Variants in PWWP3B observed in about 807,000 individuals in gnomAD.
PWWP3B encodes PWWP domain containing 3B.
PWWP3B carries 5 observed loss-of-function variants against 15.7 expected under a neutral mutation model. That is an observed-to-expected ratio of 0.32 (90% confidence interval 0.17 to 0.67). The LOEUF (loss-of-function observed/expected upper bound fraction) is 0.67. Ranked by LOEUF, PWWP3B falls within the 30% of genes least tolerant of loss-of-function variation. PWWP3B has a pLI of 0.74. For missense variants in PWWP3B, 519 were observed against 493.1 expected (o/e 1.05, Z -0.50); for synonymous variants, 203 against 179.8 (o/e 1.13, Z -1.03).
chrX:106,189,354 A>G (rs765115686), intron 2 of PWWP3B, among the ~76,000 whole-genome samples: 1 of 110,397 alleles, frequency 9.1e-6, no homozygotes, highest in African/African-American at 3.3e-5. Context: ...AGCATTAGGT[A>G]TATCTCCTAA....
At chrX:106,179,231 G>A (rs1922059919) in intron 2 of PWWP3B, among the ~76,000 whole-genome samples, 1 of 112,305 alleles carries the variant, frequency 8.9e-6, no homozygotes, top group Admixed American at 9.5e-5. Context: ...AAGAACTGAT[G>A]TGAAGCCTCA....
At chrX:106,188,127 C>T (rs762298557) in intron 2 of PWWP3B, among the ~76,000 whole-genome samples, 119 of 111,249 alleles carry the variant, frequency 1.1e-3, no homozygotes, top group African/African-American at 3.8e-3. Context: ...ATGCTGATGT[C>T]ATCTGGTTTC....
intron 2 of PWWP3B, among the ~76,000 whole-genome samples, chrX:106,195,299 C>G (rs1199617236): frequency 1.8e-5 from 2 of 111,464 alleles, no homozygotes; most frequent in Non-Finnish European, 3.8e-5. Flanking sequence ...CAAGTATTGT[C>G]TCCCAATCTG....
chrX:106,188,980 A>G (rs1417300435), intron 2 of PWWP3B, among the ~76,000 whole-genome samples: 1 of 112,145 alleles, frequency 8.9e-6, no homozygotes, highest in Non-Finnish European at 1.9e-5. Context: ...GTCTTTGTGT[A>G]TACATAAGTT....
rs953252739 is a variant in PWWP3B at position 106,208,321 on chromosome X, G to C, written c.*798G>C. On this transcript the variant is annotated 3_prime_UTR_variant, in exon 4 of 4. Coordinates refer to ENST00000357175, the MANE Select transcript of PWWP3B (RefSeq NM_001171020.2). ...CTATCTTCATAACCAGCAGTGAGTAGATCTTCTTAATATAGCTGTCTGACC... is the reference window on the plus strand; with the variant it reads ...CTATCTTCATAACCAGCAGTGAGTACATCTTCTTAATATAGCTGTCTGACC... The C allele has an allele frequency of 8.1e-6, 1 of 123,276 alleles. No individual in the cohort carries two copies. The highest frequency in any genetic ancestry group is 2.8e-4 in the East Asian group (1 of 3,584). 10.2% of individuals were successfully genotyped at this position (123,276 alleles called of 1,213,427 possible). A position where few individuals can be genotyped will look rare whatever the true frequency, so the allele number is the denominator to read the frequency against.
At position 106,206,129 on chromosome X, in the gene PWWP3B, G is replaced by T; in HGVS notation, c.697G>T (p.Asp233Tyr). 8.3e-7 allele frequency: 1 copy of T among 1,210,967 alleles called. No homozygotes were observed. The highest frequency in any genetic ancestry group is 1.7e-5 in the African/African-American group (1 of 57,887). The stretch of plus-strand genomic sequence containing the variant: ...CAAAGAGGAAAGTGCATGTGTTAAA[G>T]ATGAAAAGTTTGCTCCACCTTTGTC... ...AVKEESACVK[D>Y]EKFAPPLSPL... The change falls in exon 4 of 4, where the codon GAT (aspartate) becomes TAT (tyrosine). Residue 233 changes from aspartate (D) to tyrosine (Y), a missense_variant. Coordinates refer to ENST00000357175, the MANE Select transcript of PWWP3B (RefSeq NM_001171020.2).
intron 2 of PWWP3B, among the ~76,000 whole-genome samples, chrX:106,185,393 C>T (rs763929806): frequency 6.3e-4 from 70 of 111,380 alleles, no homozygotes; most frequent in African/African-American, 2.6e-4. Flanking sequence ...CCCTGCTGAT[C>T]GGAATAGTTG....
At chrX:106,181,554 A>G (rs778848965) in intron 2 of PWWP3B, among the ~76,000 whole-genome samples, 5 of 112,148 alleles carry the variant, frequency 4.5e-5, no homozygotes, top group African/African-American at 1.6e-4. Flanking sequence ...CTAGCTAGAC[A>G]GAAAAGTTAT....
Position 106,205,499 on chromosome X carries a change from T to A in PWWP3B, c.67T>A (p.Ser23Thr). The change falls in exon 4 of 4, where the codon TCT becomes ACT. Residue 23 changes from serine to threonine, a missense_variant. Coordinates refer to ENST00000357175, the MANE Select transcript of PWWP3B (RefSeq NM_001171020.2). ...GTGGCCAGCAAAAGTTTTGTCCAGA[T>A]CTGAAACTTCATCAAACAGTAAGAG... ...QLWPAKVLSR[S>T]ETSSNSKRKK... The A allele has an allele frequency of 8.3e-7, 1 of 1,199,069 alleles. No homozygotes were observed. The highest frequency in any genetic ancestry group is 1.1e-6 in the Non-Finnish European group (1 of 889,035).
intron 2 of PWWP3B, among the ~76,000 whole-genome samples, chrX:106,175,973 A>G (rs975664753): frequency 8.9e-6 from 1 of 111,898 alleles, no homozygotes; most frequent in African/African-American, 3.3e-5. Context: ...ATAGATAGAT[A>G]TAAAACAAAT....
At chrX:106,184,697 A>G (rs1922401733) in intron 2 of PWWP3B, among the ~76,000 whole-genome samples, 1 of 112,154 alleles carries the variant, frequency 8.9e-6, no homozygotes, top group African/African-American at 3.2e-5. Context: ...GTGAGATCAA[A>G]GGTTTGCTCT....
At chrX:106,202,842 G>T (rs1923781765) in intron 2 of PWWP3B, among the ~76,000 whole-genome samples, 1 of 112,066 alleles carries the variant, frequency 8.9e-6, no homozygotes, top group Admixed American at 9.5e-5. Context: ...ATGTATGTTA[G>T]TATACCTATG....
chrX:106,184,488 G>A (rs905935295), intron 2 of PWWP3B, among the ~76,000 whole-genome samples: 4 of 111,349 alleles, frequency 3.6e-5, no homozygotes, highest in African/African-American at 1.3e-4. Context: ...CCCATGATCT[G>A]AGTCGAGGTC....
At position 106,181,666 on chromosome X, in the gene PWWP3B, T is replaced by C. The variant is rs781169301; in HGVS notation, c.-401+10527T>C. On this transcript the variant is annotated intron_variant, in intron 2 of 3. Coordinates refer to ENST00000357175, the MANE Select transcript of PWWP3B (RefSeq NM_001171020.2). ...CTGTTAGGAATTGGGCAATGACCGC[T>C]CTAGCTACTTCCTGCTGGATAGGGG... Among the ~76,000 whole-genome samples the C allele has an allele frequency of 6.4e-4, 71 of 111,735 alleles. 1 individual carries two copies. The highest frequency in any genetic ancestry group is 2.3e-3 in the African/African-American group (71 of 30,756).
chrX:106,191,903 G>C (rs888000083), intron 2 of PWWP3B, among the ~76,000 whole-genome samples: 2 of 111,651 alleles, frequency 1.8e-5, no homozygotes, highest in African/African-American at 6.5e-5. Context: ...ACTCTATCAT[G>C]GTGGATAAGC....
In PWWP3B at chrX:106,206,961, T is replaced by G. The variant is rs1190556270; in HGVS notation, c.1529T>G (p.Phe510Cys). The change falls in exon 4 of 4, where the codon TTC becomes TGC. Residue 510 changes from phenylalanine to cysteine, a missense_variant. Coordinates refer to ENST00000357175, the MANE Select transcript of PWWP3B (RefSeq NM_001171020.2). ...PVRKETKQDT[F>C]RNKFPKLHNE... ...AGGAAAGAAACAAAACAGGATACTTTCAGGAACAAATTTCCAAAGCTGCAT... is the reference window on the plus strand; with the variant it reads ...AGGAAAGAAACAAAACAGGATACTTGCAGGAACAAATTTCCAAAGCTGCAT... The G allele has an allele frequency of 8.3e-7, 1 of 1,211,458 alleles. No individual in the cohort carries two copies. The highest frequency in any genetic ancestry group is 1.1e-6 in the Non-Finnish European group (1 of 895,347).
chrX:106,208,051 CAAAG>C lies in PWWP3B; in HGVS notation c.*530_*533del, dbSNP rs759241145. The C allele has an allele frequency of 1.2e-4, 15 of 123,662 alleles. No individual in the cohort carries two copies. Among genetic ancestry groups the C allele is most frequent in the African/African-American group, 4.8e-4 (15 of 30,959 alleles). The allele number at this position is 123,662 out of a possible 1,213,427, so 10.2% of individuals were successfully genotyped here. On this transcript the variant is annotated 3_prime_UTR_variant, in exon 4 of 4. Transcript: ENST00000357175. ...AAAAAAATTATCTGCTATATAGAAC[CAAAG>C]ATAGATTCGCTTTGCTATATATTAT...
intron 2 of PWWP3B, chrX:106,177,105 A>T (rs189472841): frequency 8.9e-4 from 101 of 113,164 alleles, no homozygotes; most frequent in African/African-American, 3.0e-3. Context: ...ACACTCTTGT[A>T]GTTTGAATGT....
At position 106,207,474 on chromosome X, in the gene PWWP3B, A is replaced by C; in HGVS notation, c.2042A>C (p.Lys681Thr). Residue 681 changes from lysine (K) to threonine (T), a missense_variant, in exon 4 of 4, where the codon AAA (lysine) becomes ACA (threonine). Lys to Thr is a moderately conservative substitution (Grantham distance 78). Coordinates refer to ENST00000357175, the MANE Select transcript of PWWP3B (RefSeq NM_001171020.2). ...AGGGAAAGAGAATTATTTGATGCAA[A>C]AATAATATATGAAAAGAGACGAAAA... The part of the protein sequence containing the change: ...GYRERELFDA[K>T]IIYEKRRKAP... 8.7e-7 allele frequency: 1 copy of C among 1,155,962 alleles called. No individual in the cohort carries two copies. The highest frequency in any genetic ancestry group is 1.1e-6 in the Non-Finnish European group (1 of 869,789).
Sources: gnomAD v4.1 joint callset for allele counts (sites outside exome capture counted in the v4.1 genomes callset) on GRCh38, gnomAD v4.1.1 for gene constraint, MANE v1.5 for transcripts, NCBI Gene and HGNC (gene_info 2026-07-23, HGNC 2026-07-21) for gene names.